The following CFAP299 variants were observed in gnomAD, a reference collection of about 807,000 sequenced individuals.
The protein encoded by CFAP299 is cilia and flagella associated protein 299, also known as cilia- and flagella-associated protein 299.
Under a neutral mutation model 27.0 loss-of-function variants are expected in CFAP299, and 21 were observed. The ratio of observed to expected loss-of-function variants is 0.78; its 90% CI spans 0.55 to 1.12. The LOEUF (loss-of-function observed/expected upper bound fraction) is 1.12, where lower values mean the gene tolerates loss of function less well. CFAP299 is among the 50% of genes most tolerant of loss of function. The pLI is 0.00. For synonymous variants in CFAP299, 104 were observed against 98.1 expected, an observed-to-expected ratio of 1.06 and a Z score of -0.36; for missense variants, 310 against 276.6, an observed-to-expected ratio of 1.12 and a Z score of -0.86.
Position 80,935,210 on chromosome 4 carries a change from C to T in CFAP299, c.477-9600C>T, listed in dbSNP as rs186191014. ...TCCTCACATTATTTATTTCTAGTCT[C>T]ATATCATTGTGTCAGAAACTGTACT... On this transcript the variant is annotated intron_variant, in intron 4 of 5. Coordinates refer to ENST00000358105, the MANE Select transcript of CFAP299 (RefSeq NM_152770.3). Among the ~76,000 whole-genome samples, 616 of 152,122 alleles carry T rather than the reference C, an allele frequency of 4.0e-3. 1 individual carries two copies. The highest frequency in any genetic ancestry group is 0.014 in the Middle Eastern group (4 of 294).
chr4:80,339,986 C>G (rs1324501839), intron 1 of CFAP299, among the ~76,000 whole-genome samples: 1 of 152,142 alleles, frequency 6.6e-6, no homozygotes, highest in Admixed American at 6.5e-5. Context: ...CATGGAGTTT[C>G]ACTTAGGGCA....
At chr4:80,687,695 C>G (rs190335556) in intron 3 of CFAP299, among the ~76,000 whole-genome samples, 3 of 152,082 alleles carry the variant, frequency 2.0e-5, no homozygotes. Flanking sequence ...GCAAGATGGC[C>G]GAATAGGAAC....
chr4:80,367,465 T>C (rs1346284801), intron 2 of CFAP299, among the ~76,000 whole-genome samples: 1 of 152,198 alleles, frequency 6.6e-6, no homozygotes, highest in Non-Finnish European at 1.5e-5. Context: ...TTATTTTCTT[T>C]ACTTCTTTGT....
chr4:80,713,534 G>A (rs972525191), intron 3 of CFAP299, among the ~76,000 whole-genome samples: 1 of 152,196 alleles, frequency 6.6e-6, no homozygotes, highest in Non-Finnish European at 1.5e-5. Flanking sequence ...AATATCAGTG[G>A]CAACATCAGT....
intron 3 of CFAP299, among the ~76,000 whole-genome samples, chr4:80,815,499 CAG>C (rs1215739282): frequency 6.6e-6 from 1 of 151,816 alleles, no homozygotes; most frequent in Non-Finnish European, 1.5e-5. Flanking sequence ...ACACAGTAAA[CAG>C]TGTTGAAAGT....
intron 4 of CFAP299, among the ~76,000 whole-genome samples, chr4:80,940,263 C>G (rs1021033578): frequency 6.6e-6 from 1 of 152,096 alleles, no homozygotes; most frequent in Non-Finnish European, 1.5e-5. Flanking sequence ...CTAGTTCCCC[C>G]CAAGACTATT....
chr4:80,634,853 C>T (rs992678428), intron 3 of CFAP299, among the ~76,000 whole-genome samples: 61 of 152,090 alleles, frequency 4.0e-4, no homozygotes, highest in Non-Finnish European at 6.0e-4. Context: ...TTTTGGTTGG[C>T]AGAGTACCAT....
Position 80,771,465 on chromosome 4 carries a change from T to A in CFAP299, c.334-98528T>A, listed in dbSNP as rs565365563. 1.1e-4 allele frequency among the ~76,000 whole-genome samples: 16 copies of A among 151,080 alleles called. No homozygotes were observed. In the South Asian group the frequency reaches 3.4e-3, roughly 32 times the overall value. The stretch of plus-strand genomic sequence containing the variant: ...TTTCTCATAATTCTGTTGAATAAAA[T>A]CATAACATGTTCTCAAATAATGAAA... On this transcript the variant is annotated intron_variant, in intron 3 of 5. Transcript: ENST00000358105.
chr4:80,335,929 C>T, intron 1 of CFAP299, 50 bp downstream of exon 1: 1 of 1,162,274 alleles, frequency 8.6e-7, no homozygotes, highest in Non-Finnish European at 1.3e-6. Context: ...CCCTCGGTCC[C>T]TCCTCGAGTT....
intron 5 of CFAP299, among the ~76,000 whole-genome samples, chr4:80,947,089 C>T (rs182014900): frequency 1.3e-5 from 2 of 152,088 alleles, no homozygotes; most frequent in African/African-American, 2.4e-5. Flanking sequence ...GCTTAAACAT[C>T]GTTCAAATAA....
At chr4:80,580,749 T>C (rs1736122136) in intron 2 of CFAP299, among the ~76,000 whole-genome samples, 1 of 152,008 alleles carries the variant, frequency 6.6e-6, no homozygotes, top group African/African-American at 2.4e-5. Flanking sequence ...TAAAAATTCC[T>C]AGACAGGATT....
At chr4:80,568,220 T>C (rs1428400264) in intron 2 of CFAP299, among the ~76,000 whole-genome samples, 1 of 151,076 alleles carries the variant, frequency 6.6e-6, no homozygotes, top group Non-Finnish European at 1.5e-5. Flanking sequence ...ATGCTTCTAA[T>C]TGGTCTACAT....
At position 80,676,474 on chromosome 4, in the gene CFAP299, A is replaced by G. The variant is rs527596075; in HGVS notation, c.333+93291A>G. Among the ~76,000 whole-genome samples, 6 of 152,290 alleles carry G rather than the reference A, an allele frequency of 3.9e-5. No homozygotes were observed. In the South Asian group the frequency reaches 1.2e-3, roughly 32 times the overall value. On this transcript the variant is annotated intron_variant, in intron 3 of 5. Transcript: ENST00000358105. ...ATCAGGATAATGCTGGCCTGGTAGA[A>G]TAAGTTTAGAGGTATTCCCTCCTCT...
intron 4 of CFAP299, among the ~76,000 whole-genome samples, chr4:80,924,289 G>A (rs1443150585): frequency 6.6e-6 from 1 of 151,396 alleles, no homozygotes; most frequent in Non-Finnish European, 1.5e-5. Flanking sequence ...TTTGGCTATG[G>A]CCCACTAAAT....
At chr4:80,529,224 C>T (rs1284490211) in intron 2 of CFAP299, among the ~76,000 whole-genome samples, 5 of 152,124 alleles carry the variant, frequency 3.3e-5, no homozygotes, top group African/African-American at 1.2e-4. Flanking sequence ...ACATCCAGTC[C>T]TTTCCATGGT....
intron 4 of CFAP299, among the ~76,000 whole-genome samples, chr4:80,892,804 C>G (rs575771861): frequency 6.6e-6 from 1 of 151,910 alleles, no homozygotes; most frequent in Non-Finnish European, 1.5e-5. Context: ...AGCTTTTCCT[C>G]CAAGATAAGT....
chr4:80,852,015 T>C (rs1560444899), intron 3 of CFAP299, among the ~76,000 whole-genome samples: 2 of 152,170 alleles, frequency 1.3e-5, no homozygotes, highest in Non-Finnish European at 2.9e-5. Flanking sequence ...TAAAGGAATA[T>C]AAGAGGAGAA....
intron 2 of CFAP299, among the ~76,000 whole-genome samples, chr4:80,499,109 G>T (rs1455039247): frequency 1.3e-5 from 2 of 152,078 alleles, no homozygotes; most frequent in African/African-American, 2.4e-5. Flanking sequence ...TGGGAAGAGG[G>T]TGGGAACAGA....
Position 80,335,780 on chromosome 4 carries a change from A to T in CFAP299, c.12A>T (p.Glu4Asp), listed in dbSNP as rs769950458. The T allele has an allele frequency of 1.9e-5, 30 of 1,611,142 alleles. No individual in the cohort carries two copies. The Admixed American group carries it at 4.7e-4, about 25-fold the overall frequency. ...CCGAGGATACCGCAATGGATCAGGA[A>T]GAGGGGCTGAAGGCCTTGGACAATA... MDQ[E>D]EGLKALDNIV... The change falls in exon 1 of 6, where the codon GAA becomes GAT. Residue 4 changes from glutamate to aspartate, a missense_variant. Physicochemically the swap from Glu to Asp is conservative, Grantham distance 45. Coordinates refer to ENST00000358105, the MANE Select transcript of CFAP299 (RefSeq NM_152770.3).
Sources: allele counts gnomAD v4.1 joint callset (sites outside exome capture counted in the v4.1 genomes callset), GRCh38; gene constraint gnomAD v4.1.1; transcripts MANE v1.5; gene names NCBI Gene and HGNC (gene_info 2026-07-23, HGNC 2026-07-21).